Variants in TBC1D1 observed in about 807,000 individuals in gnomAD.
TBC1D1 encodes TBC1 (tre-2/USP6, BUB2, cdc16) domain family, member 1.
Under a neutral mutation model 125.6 loss-of-function variants are expected in TBC1D1, and 89 were observed. The ratio of observed to expected loss-of-function variants is 0.71; its 90% CI spans 0.60 to 0.85. The LOEUF (loss-of-function observed/expected upper bound fraction) is 0.85, where lower values mean the gene tolerates loss of function less well. TBC1D1 is among the 40% of genes least tolerant of loss of function. TBC1D1 has a pLI of 0.00. For synonymous variants in TBC1D1, 565 were observed against 564.1 expected, an observed-to-expected ratio of 1.00 and a Z score of -0.02; for missense variants, 1,377 against 1,469.2, an observed-to-expected ratio of 0.94 and a Z score of 1.03.
intron 2 of TBC1D1, among the ~76,000 whole-genome samples, chr4:37,908,095 G>A (rs1004292146): frequency 6.6e-6 from 1 of 152,104 alleles, no homozygotes; most frequent in African/African-American, 2.4e-5. Context: ...AAATGGCGGG[G>A]GTTCTTGAGA....
intron 2 of TBC1D1, among the ~76,000 whole-genome samples, chr4:37,910,861 T>A (rs531696358): frequency 2.6e-5 from 4 of 152,200 alleles, no homozygotes; most frequent in Non-Finnish European, 5.9e-5. Context: ...TATCCTGATG[T>A]TGTTGTTACA....
At chr4:38,135,256 T>G (rs16994257) in intron 19 of TBC1D1, among the ~76,000 whole-genome samples, 2,353 of 152,362 alleles carry the variant, frequency 0.015, 38 homozygotes, top group Non-Finnish European at 0.025. Context: ...TTTCATTCCC[T>G]GTTAAATACA....
At chr4:37,916,727 G>A (rs1719814375) in intron 2 of TBC1D1, among the ~76,000 whole-genome samples, 1 of 152,050 alleles carries the variant, frequency 6.6e-6, no homozygotes, top group Admixed American at 6.6e-5. Flanking sequence ...CAACGGGAGG[G>A]CTGATGTTTA....
intron 12 of TBC1D1, among the ~76,000 whole-genome samples, chr4:38,065,464 C>T (rs1753549529): frequency 6.6e-6 from 1 of 152,178 alleles, no homozygotes; most frequent in African/African-American, 2.4e-5. Flanking sequence ...TAATAAACAG[C>T]ACATTGAAAA....
rs1395483708 is a variant in TBC1D1 at position 38,139,170 on chromosome 4, C to T, written c.*1835C>T. 2.7e-5 allele frequency: 4 copies of T among 149,742 alleles called. No individual in the cohort carries two copies. Among genetic ancestry groups the T allele is most frequent in the Non-Finnish European group, 4.4e-5 (3 of 67,636 alleles). 9.3% of individuals were successfully genotyped at this position (149,742 alleles called of 1,614,324 possible). Reference sequence around the variant, plus strand: ...AATAAAACAAGAAATAATTCATGCTCACATTTTTATGGTGGTTTTTTTTTT... The same window carrying T: ...AATAAAACAAGAAATAATTCATGCTTACATTTTTATGGTGGTTTTTTTTTT... On this transcript the variant is annotated 3_prime_UTR_variant, in exon 20 of 20. Transcript: ENST00000261439.
intron 18 of TBC1D1, 87 bp downstream of exon 20, chr4:38,125,218 A>G (rs1398870778): frequency 2.2e-6 from 3 of 1,362,196 alleles, no homozygotes; most frequent in South Asian, 2.6e-5. Flanking sequence ...ACTGTTTCCT[A>G]CCACTTTGTG....
At chr4:37,996,163 G>T in intron 2 of TBC1D1, 1 of 397,376 alleles carries the variant, frequency 2.5e-6, no homozygotes, top group Non-Finnish European at 5.1e-6. Flanking sequence ...ATGTACCTGG[G>T]TGTGGGCCTC....
intron 6 of TBC1D1, among the ~76,000 whole-genome samples, chr4:38,024,757 C>T (rs181690128): frequency 4.6e-5 from 7 of 152,228 alleles, no homozygotes; most frequent in Non-Finnish European, 8.8e-5. Context: ...TGTTAAAACT[C>T]ATTGTATGTT....
At chr4:37,967,846 G>T (rs1731342515) in intron 2 of TBC1D1, among the ~76,000 whole-genome samples, 1 of 152,174 alleles carries the variant, frequency 6.6e-6, no homozygotes, top group Non-Finnish European at 1.5e-5. Flanking sequence ...TTACAGGATG[G>T]GGTGTGGGTG....
intron 2 of TBC1D1, among the ~76,000 whole-genome samples, chr4:38,004,629 G>A (rs189182085): frequency 5.9e-5 from 9 of 152,180 alleles, no homozygotes; most frequent in East Asian, 1.9e-4. Context: ...ATATGCCCTC[G>A]ATGATAAAAG....
At chr4:37,925,681 CAA>C (rs34337656) in intron 2 of TBC1D1, among the ~76,000 whole-genome samples, 18,668 of 106,438 alleles carry the variant, frequency 0.18, 1,543 homozygotes, top group East Asian at 0.48. Context: ...GACTCCATCT[CAA>C]AAAAAAAAAA....
chr4:37,980,173 A>C (rs1435686002), intron 2 of TBC1D1, among the ~76,000 whole-genome samples: 1 of 152,234 alleles, frequency 6.6e-6, no homozygotes, highest in African/African-American at 2.4e-5. Flanking sequence ...ATAAAGCCAA[A>C]ACGGGAGAGT....
At chr4:37,915,660 C>T (rs1719576338) in intron 2 of TBC1D1, among the ~76,000 whole-genome samples, 1 of 152,154 alleles carries the variant, frequency 6.6e-6, no homozygotes, top group African/African-American at 2.4e-5. Context: ...AATGTTTAAC[C>T]AGATATCTGG....
rs1285830125 is a variant in TBC1D1, at chr4:37,957,841, CT to C, written c.417+55331del. On this transcript the variant is annotated intron_variant, in intron 2 of 19. Coordinates refer to ENST00000261439, the MANE Select transcript of TBC1D1 (RefSeq NM_015173.4). ...AACTACATATCATTTTCCTCCCTCCCTTCTGTCTTTCCTTCCTTTTATTCTT... is the reference window on the plus strand; with the variant it reads ...AACTACATATCATTTTCCTCCCTCCCTCTGTCTTTCCTTCCTTTTATTCTT... Among the ~76,000 whole-genome samples the C allele has an allele frequency of 2.6e-5, 4 of 152,204 alleles. 1 individual carries two copies. Among genetic ancestry groups the C allele is most frequent in the African/African-American group, 9.6e-5 (4 of 41,516 alleles).
intron 2 of TBC1D1, among the ~76,000 whole-genome samples, chr4:37,958,361 A>G (rs1201820263): frequency 6.6e-6 from 1 of 152,178 alleles, no homozygotes; most frequent in African/African-American, 2.4e-5. Context: ...ATGATTCTTC[A>G]TATTTTTTAT....
At chr4:38,006,895 G>A in intron 2 of TBC1D1, 1 of 481,458 alleles carries the variant, frequency 2.1e-6, no homozygotes, top group South Asian at 1.6e-5. Context: ...CATCTCTGCA[G>A]AATCCAAGAA....
intron 14 of TBC1D1, among the ~76,000 whole-genome samples, chr4:38,101,288 G>A (rs530392245): frequency 1.3e-4 from 20 of 152,316 alleles, no homozygotes; most frequent in South Asian, 1.0e-3. Flanking sequence ...TGGAAAGAAA[G>A]ATCAATGCCT....
At chr4:37,931,517 G>T (rs542299911) in intron 2 of TBC1D1, among the ~76,000 whole-genome samples, 1 of 151,440 alleles carries the variant, frequency 6.6e-6, no homozygotes, top group African/African-American at 2.4e-5. Flanking sequence ...TTGCTCTGTC[G>T]CTCAGGCTAG....
At chr4:37,922,012 C>T (rs1009873758) in intron 2 of TBC1D1, among the ~76,000 whole-genome samples, 15 of 152,138 alleles carry the variant, frequency 9.9e-5, no homozygotes, top group Admixed American at 6.5e-4. Context: ...GCTGGGATTA[C>T]AGGTGTGAGC....
Sources: gnomAD v4.1 joint callset for allele counts (sites outside exome capture counted in the v4.1 genomes callset) on GRCh38, gnomAD v4.1.1 for gene constraint, MANE v1.5 for transcripts, NCBI Gene and HGNC (gene_info 2026-07-23, HGNC 2026-07-21) for gene names.